The following EYS variants were observed in gnomAD, a reference collection of about 807,000 sequenced individuals.
EYS encodes the protein protein eyes shut homolog.
A neutral mutation model predicts 282.1 loss-of-function variants in EYS; 250 were observed. The ratio of observed to expected loss-of-function variants is 0.89; its 90% CI spans 0.80 to 0.98. EYS has a LOEUF of 0.98. Among genes scored for constraint, EYS ranks in the 50% least tolerant of loss-of-function variants. The probability of loss-of-function intolerance (pLI) is 0.00; values close to 1 mark genes in which losing one functional copy is unlikely to be tolerated. For missense variants in EYS, 4,016 were observed against 3,709.0 expected (o/e 1.08, Z -2.15); for synonymous variants, 1,355 against 1,282.9 (o/e 1.06, Z -1.20).
At chr6:64,061,866 T>G (rs1386113163) in intron 33 of EYS, among the ~76,000 whole-genome samples, 1 of 151,840 alleles carries the variant, frequency 6.6e-6, no homozygotes. Flanking sequence ...GACGCACGCC[T>G]GTAATCCCAG....
chr6:64,909,348 T>G (rs1240791426), intron 16 of EYS, among the ~76,000 whole-genome samples: 1 of 152,176 alleles, frequency 6.6e-6, no homozygotes, highest in Non-Finnish European at 1.5e-5. Flanking sequence ...GTAAATTCAT[T>G]ACATACTAAA....
intron 4 of EYS, among the ~76,000 whole-genome samples, chr6:65,493,964 C>T (rs1042883017): frequency 7.9e-5 from 12 of 152,128 alleles, no homozygotes; most frequent in African/African-American, 2.7e-4. Flanking sequence ...TACTGAGATG[C>T]ATAATTTATT....
intron 31 of EYS, among the ~76,000 whole-genome samples, chr6:64,192,890 C>T (rs1263146586): frequency 2.0e-5 from 3 of 152,128 alleles, no homozygotes; most frequent in Non-Finnish European, 4.4e-5. Flanking sequence ...ATCCTTGTCC[C>T]ATTGATCTTT....
chr6:63,730,836 A>G (rs1014170020), intron 41 of EYS, among the ~76,000 whole-genome samples: 14 of 152,104 alleles, frequency 9.2e-5, no homozygotes, highest in Non-Finnish European at 1.8e-4. Context: ...CCTGGCCAAC[A>G]TGATGAAACC....
chr6:64,819,046 A>T (rs1764822811), intron 21 of EYS, among the ~76,000 whole-genome samples: 1 of 152,104 alleles, frequency 6.6e-6, no homozygotes, highest in Non-Finnish European at 1.5e-5. Context: ...TGCTCTTTTC[A>T]GTTAGTACTG....
chr6:63,848,451 C>T (rs537958788), intron 36 of EYS, among the ~76,000 whole-genome samples: 5 of 151,842 alleles, frequency 3.3e-5, no homozygotes, highest in Admixed American at 1.3e-4. Context: ...ACGGAGAAGG[C>T]GGGTGATATT....
intron 30 of EYS, among the ~76,000 whole-genome samples, chr6:64,287,150 C>A (rs1014902651): frequency 6.6e-6 from 1 of 152,074 alleles, no homozygotes; most frequent in Non-Finnish European, 1.5e-5. Context: ...CCTTAAAAAG[C>A]CAGATGTTTT....
intron 31 of EYS, among the ~76,000 whole-genome samples, chr6:64,093,632 T>G (rs1772459926): frequency 6.6e-6 from 1 of 152,232 alleles, no homozygotes; most frequent in African/African-American, 2.4e-5. Flanking sequence ...TGAAGTTGCC[T>G]ATCAGCTTTA....
chr6:65,573,959 G>A (rs1764569051), intron 2 of EYS, among the ~76,000 whole-genome samples: 1 of 152,114 alleles, frequency 6.6e-6, no homozygotes, highest in African/African-American at 2.4e-5. Flanking sequence ...TAGTCCTGGG[G>A]CTGCTCTAAC....
At chr6:63,902,944 A>G (rs78211681) in intron 35 of EYS, among the ~76,000 whole-genome samples, 4,644 of 152,196 alleles carry the variant, frequency 0.031, 242 homozygotes, top group African/African-American at 0.11. Context: ...AGTAGGGGAG[A>G]AGGTGCTAGG....
chr6:65,105,124 T>G (rs1774998308), intron 12 of EYS, among the ~76,000 whole-genome samples: 1 of 151,716 alleles, frequency 6.6e-6, no homozygotes, highest in South Asian at 2.1e-4. Flanking sequence ...TGAAAAAAAC[T>G]TTTGAATAAT....
At chr6:64,888,049 T>C (rs1408641106) in intron 18 of EYS, among the ~76,000 whole-genome samples, 1 of 152,086 alleles carries the variant, frequency 6.6e-6, no homozygotes, top group Non-Finnish European at 1.5e-5. Flanking sequence ...TTCATTCTTT[T>C]TCATGGCTGA....
At chr6:63,913,352 T>C (rs572065844) in intron 35 of EYS, among the ~76,000 whole-genome samples, 1 of 152,364 alleles carries the variant, frequency 6.6e-6, no homozygotes, top group Non-Finnish European at 1.5e-5. Flanking sequence ...ATAGAATTTA[T>C]ATACAATAAA....
intron 30 of EYS, among the ~76,000 whole-genome samples, chr6:64,298,048 T>G (rs1302340389): frequency 3.3e-5 from 5 of 151,528 alleles, no homozygotes; most frequent in Non-Finnish European, 7.4e-5. Context: ...TAAGAAAGAT[T>G]GTTAACACTG....
intron 22 of EYS, among the ~76,000 whole-genome samples, chr6:64,657,662 T>G (rs894153501): frequency 6.6e-6 from 1 of 152,164 alleles, no homozygotes; most frequent in African/African-American, 2.4e-5. Context: ...TTCTTTTCTT[T>G]AAGAATGTTG....
intron 22 of EYS, among the ~76,000 whole-genome samples, chr6:64,765,169 C>A (rs562457466): frequency 1.3e-4 from 20 of 152,336 alleles, no homozygotes; most frequent in African/African-American, 4.8e-4. Flanking sequence ...GCCAGATACC[C>A]TGAATCATCT....
intron 12 of EYS, among the ~76,000 whole-genome samples, chr6:65,094,327 A>G (rs1774669729): frequency 6.6e-6 from 1 of 150,460 alleles, no homozygotes; most frequent in Non-Finnish European, 1.5e-5. Flanking sequence ...GAAAAAAAAA[A>G]AAAAAAAAAG....
chr6:64,694,688 G>A (rs534688447), intron 22 of EYS, among the ~76,000 whole-genome samples: 1 of 152,300 alleles, frequency 6.6e-6, no homozygotes, highest in South Asian at 2.1e-4. Flanking sequence ...CTGGGGAGAA[G>A]CCTTCATAAC....
At chr6:65,177,198 C>T (rs1765246772) in intron 12 of EYS, among the ~76,000 whole-genome samples, 1 of 151,428 alleles carries the variant, frequency 6.6e-6, no homozygotes. Flanking sequence ...ATTTGTCTGC[C>T]AAGATTTCAT....
Sources: allele counts gnomAD v4.1 joint callset (sites outside exome capture counted in the v4.1 genomes callset), GRCh38; gene constraint gnomAD v4.1.1; transcripts MANE v1.5; gene names NCBI Gene and HGNC (gene_info 2026-07-23, HGNC 2026-07-21).